ROBO1: variants seen among roughly 807,000 people sequenced by gnomAD.
ROBO1 encodes roundabout guidance receptor 1.
In ROBO1, 149 loss-of-function variants were observed where a neutral mutation model predicts 195.9. The ratio of observed to expected loss-of-function variants is 0.76; its 90% CI spans 0.67 to 0.87. The LOEUF (loss-of-function observed/expected upper bound fraction) is 0.87, where lower values mean the gene tolerates loss of function less well. Among genes scored for constraint, ROBO1 ranks in the 40% least tolerant of loss-of-function variants. The probability of loss-of-function intolerance (pLI) is 0.00; values close to 1 mark genes in which losing one functional copy is unlikely to be tolerated. For synonymous variants in ROBO1, 816 were observed against 733.2 expected (o/e 1.11, Z -1.82); for missense variants, 1,933 against 2,068.3 (o/e 0.93, Z 1.27).
chr3:78,696,381 C>T (rs2081290148), intron 8 of ROBO1, among the ~76,000 whole-genome samples: 1 of 152,160 alleles, frequency 6.6e-6, no homozygotes, highest in East Asian at 1.9e-4. Flanking sequence ...ACTTATCAGT[C>T]TAAACTTCTT....
chr3:78,717,990 C>A, intron 5 of ROBO1, 107 bp from the exon 6 acceptor site: 1 of 1,058,822 alleles, frequency 9.4e-7, no homozygotes, highest in South Asian at 1.6e-5. Context: ...TAAATCAAAG[C>A]ATAATTACAT....
chr3:79,735,643 G>T (rs1703345381), intron 1 of ROBO1, among the ~76,000 whole-genome samples: 1 of 152,160 alleles, frequency 6.6e-6, no homozygotes, highest in Non-Finnish European at 1.5e-5. Flanking sequence ...GGCCGAGGCG[G>T]GTGGATCATG....
intron 1 of ROBO1, among the ~76,000 whole-genome samples, chr3:79,711,184 C>T (rs182591320): frequency 6.6e-6 from 1 of 152,202 alleles, no homozygotes; most frequent in Non-Finnish European, 1.5e-5. Flanking sequence ...TTAGTTTGAC[C>T]TCTGTAGTCC....
chr3:79,074,511 T>G (rs1035992014), intron 3 of ROBO1, among the ~76,000 whole-genome samples: 1 of 151,818 alleles, frequency 6.6e-6, no homozygotes, highest in Non-Finnish European at 1.5e-5. Context: ...CTTGACCTCC[T>G]GGGCTTAAGT....
chr3:79,382,254 A>T (rs892946383), intron 2 of ROBO1, among the ~76,000 whole-genome samples: 6 of 152,208 alleles, frequency 3.9e-5, no homozygotes, highest in East Asian at 1.9e-4. Flanking sequence ...ATATATTTTT[A>T]AAAAGTGCAC....
At chr3:79,544,187 TC>T (rs1942179438) in intron 2 of ROBO1, among the ~76,000 whole-genome samples, 1 of 151,992 alleles carries the variant, frequency 6.6e-6, no homozygotes, top group South Asian at 2.1e-4. Flanking sequence ...TATTTTTAAG[TC>T]AAGAGCATAT....
At chr3:78,792,990 T>TGGTCCCAAGTAGTCCCAGC (rs2084068919) in intron 4 of ROBO1, among the ~76,000 whole-genome samples, 1 of 151,644 alleles carries the variant, frequency 6.6e-6, no homozygotes, top group Admixed American at 6.6e-5. Flanking sequence ...GTAGTCCCAG[T>TGGTCCCAAGTAGTCCCAGC]GGTCCCAAGT....
At chr3:78,683,772 A>G (rs2080986655) in intron 10 of ROBO1, among the ~76,000 whole-genome samples, 1 of 152,050 alleles carries the variant, frequency 6.6e-6, no homozygotes, top group South Asian at 2.1e-4. Flanking sequence ...ACCATACACA[A>G]AAATTAACTC....
chr3:78,835,883 T>A (rs1412295900), intron 4 of ROBO1, among the ~76,000 whole-genome samples: 2 of 152,228 alleles, frequency 1.3e-5, no homozygotes, highest in African/African-American at 4.8e-5. Flanking sequence ...CATATCATCT[T>A]AATACTTTCC....
chr3:79,719,280 C>T (rs1419416796), intron 1 of ROBO1, among the ~76,000 whole-genome samples: 1 of 152,016 alleles, frequency 6.6e-6, no homozygotes, highest in African/African-American at 2.4e-5. Context: ...TTTTCAATAA[C>T]ATTAATTTGG....
intron 1 of ROBO1, among the ~76,000 whole-genome samples, chr3:79,659,986 T>G (rs2106817736): frequency 6.6e-6 from 1 of 152,134 alleles, no homozygotes. Context: ...AGAGACTACA[T>G]GGCTGCTTAG....
chr3:78,830,780 T>C (rs1470629001), intron 4 of ROBO1, among the ~76,000 whole-genome samples: 1 of 152,162 alleles, frequency 6.6e-6, no homozygotes, highest in Non-Finnish European at 1.5e-5. Flanking sequence ...TAGCAGAAAG[T>C]TTCCAGCATA....
intron 1 of ROBO1, among the ~76,000 whole-genome samples, chr3:79,728,843 A>G (rs956994701): frequency 6.6e-6 from 1 of 152,162 alleles, no homozygotes; most frequent in Non-Finnish European, 1.5e-5. Context: ...TCTTCCAAGA[A>G]AGCACTATAG....
Position 79,163,209 on chromosome 3 carries a change from A to G in ROBO1, c.89-37670T>C, listed in dbSNP as rs561905110. 3.9e-5 allele frequency among the ~76,000 whole-genome samples: 6 copies of G among 152,088 alleles called. No individual in the cohort carries two copies. The East Asian group carries it at 1.2e-3, about 29-fold the overall frequency. On this transcript the variant is annotated intron_variant, in intron 2 of 30. Coordinates refer to ENST00000464233, the MANE Select transcript of ROBO1 (RefSeq NM_002941.4). Reference sequence around the variant, plus strand: ...CTCCCCACAGTTCCTGGCAACCACAATTCTACTCTCTGTTTCAATGGCTTT... The same window carrying G: ...CTCCCCACAGTTCCTGGCAACCACAGTTCTACTCTCTGTTTCAATGGCTTT...
At chr3:79,039,819 A>AAAAAAAAAAAAAAT in intron 3 of ROBO1, among the ~76,000 whole-genome samples, 1 of 150,516 alleles carries the variant, frequency 6.6e-6, no homozygotes, top group Non-Finnish European at 1.5e-5. Flanking sequence ...AAAAAAAAAA[A>AAAAAAAAAAAAAAT]AGTTATGTCT....
rs145155091 is a variant in ROBO1, at chr3:79,023,807, A to G, written c.173-84880T>C. Reference sequence around the variant, plus strand: ...AACCTCCGCCTCCCATGTCCAAGTAATTCTCCTTGCCTCATTCTCCCAGGT... The same window carrying G: ...AACCTCCGCCTCCCATGTCCAAGTAGTTCTCCTTGCCTCATTCTCCCAGGT... On this transcript the variant is annotated intron_variant, in intron 3 of 30. Coordinates refer to ENST00000464233, the MANE Select transcript of ROBO1 (RefSeq NM_002941.4). Among the ~76,000 whole-genome samples the G allele has an allele frequency of 5.0e-3, 702 of 139,840 alleles. 3 individuals carry two copies. Among genetic ancestry groups the G allele is most frequent in the Admixed American group, 8.9e-3 (114 of 12,798 alleles). The allele number at this position is 139,840 out of a possible 152,430, so 91.7% of individuals were successfully genotyped here. A position where few individuals can be genotyped will look rare whatever the true frequency, so the allele number is the denominator to read the frequency against.
chr3:79,356,495 C>T (rs567099339), intron 2 of ROBO1, among the ~76,000 whole-genome samples: 1 of 152,190 alleles, frequency 6.6e-6, no homozygotes, highest in Non-Finnish European at 1.5e-5. Flanking sequence ...GTAAATCTAA[C>T]ACCTATTCCA....
intron 19 of ROBO1, among the ~76,000 whole-genome samples, chr3:78,648,473 C>A (rs756454304): frequency 6.6e-6 from 1 of 151,914 alleles, no homozygotes; most frequent in Non-Finnish European, 1.5e-5. Flanking sequence ...ACTCTCTCTG[C>A]AGTTATAAAT....
intron 22 of ROBO1, 47 bp downstream of exon 22, chr3:78,639,697 G>A: frequency 6.5e-7 from 1 of 1,533,182 alleles, no homozygotes; most frequent in Non-Finnish European, 8.9e-7. Context: ...CTTCTGGCTA[G>A]TTCCTTAAAA....
Sources: allele counts gnomAD v4.1 joint callset (sites outside exome capture counted in the v4.1 genomes callset), GRCh38; gene constraint gnomAD v4.1.1; transcripts MANE v1.5; gene names NCBI Gene and HGNC (gene_info 2026-07-23, HGNC 2026-07-21).